Variants in STAG1 observed in about 807,000 individuals in gnomAD.
STAG1 encodes the protein STAG1 cohesin complex component.
In STAG1, 26 loss-of-function variants were observed where a neutral mutation model predicts 170.9. That is an observed-to-expected ratio of 0.15 (90% CI 0.11 to 0.21). The LOEUF is 0.21. Ranked by LOEUF, STAG1 falls within the 10% of genes least tolerant of loss-of-function variation. The pLI, the probability that STAG1 is intolerant of heterozygous loss-of-function variation, is 1.00. For synonymous variants in STAG1, 514 were observed against 497.7 expected (o/e 1.03, Z -0.44); for missense variants, 964 against 1,509.5 (o/e 0.64, Z 5.99).
intron 1 of STAG1, among the ~76,000 whole-genome samples, chr3:136,734,452 C>T (rs548404647): frequency 4.8e-4 from 73 of 152,026 alleles, no homozygotes; most frequent in African/African-American, 1.7e-3. Context: ...TGCCAAAGAG[C>T]CAAAAAACAG....
intron 1 of STAG1, among the ~76,000 whole-genome samples, chr3:136,745,748 CT>C (rs1193032633): frequency 1.3e-5 from 2 of 152,184 alleles, no homozygotes; most frequent in African/African-American, 4.8e-5. Flanking sequence ...GGTATCCAAT[CT>C]TTTGGCTTCC....
intron 1 of STAG1, among the ~76,000 whole-genome samples, chr3:136,731,789 T>C (rs377438153): frequency 6.6e-6 from 1 of 152,202 alleles, no homozygotes; most frequent in South Asian, 2.1e-4. Flanking sequence ...TCATCAAGTA[T>C]GTAGCAAACA....
chr3:136,674,058 A>G (rs1428399566), intron 1 of STAG1, among the ~76,000 whole-genome samples: 1 of 148,218 alleles, frequency 6.7e-6, no homozygotes, highest in African/African-American at 2.5e-5. Flanking sequence ...GGCTGAAATC[A>G]TACCACTGCA....
intron 13 of STAG1, among the ~76,000 whole-genome samples, chr3:136,463,800 TAC>T (rs1277443961): frequency 1.5e-5 from 2 of 137,150 alleles, no homozygotes; most frequent in African/African-American, 5.1e-5. Flanking sequence ...CATATACATA[TAC>T]ATACATATAT....
chr3:136,363,951 G>T (rs1218173731), intron 25 of STAG1, among the ~76,000 whole-genome samples: 2 of 152,054 alleles, frequency 1.3e-5, no homozygotes, highest in African/African-American at 4.8e-5. Context: ...TAGAGATGGG[G>T]TTTTTGCCAT....
chr3:136,713,851 C>T (rs1943451159), intron 1 of STAG1, among the ~76,000 whole-genome samples: 1 of 151,814 alleles, frequency 6.6e-6, no homozygotes, highest in Admixed American at 6.6e-5. Flanking sequence ...GAAGAAACCT[C>T]GTCTCTATTA....
At chr3:136,561,652 T>C (rs1247512046) in intron 5 of STAG1, among the ~76,000 whole-genome samples, 2 of 152,190 alleles carry the variant, frequency 1.3e-5, no homozygotes, top group African/African-American at 2.4e-5. Flanking sequence ...TTGAATAACA[T>C]CATTTTAAAA....
Position 136,525,710 on chromosome 3 carries a change from C to G in STAG1, c.472-4293G>C, listed in dbSNP as rs369683044. Among the ~76,000 whole-genome samples the G allele has an allele frequency of 3.3e-4, 50 of 152,300 alleles. 1 individual carries two copies. The East Asian group carries it at 8.7e-3, about 26-fold the overall frequency. Reference sequence around the variant, plus strand: ...GTTAGGGTGTCAATTTTAGATCTTTCCTGCTTTCTCTTGTGGGCATTTAGT... The same window carrying G: ...GTTAGGGTGTCAATTTTAGATCTTTGCTGCTTTCTCTTGTGGGCATTTAGT... On this transcript the variant is annotated intron_variant, in intron 6 of 33. Coordinates refer to ENST00000383202, the MANE Select transcript of STAG1 (RefSeq NM_005862.3).
chr3:136,470,556 A>G (rs1359561305), intron 12 of STAG1, among the ~76,000 whole-genome samples: 3 of 152,216 alleles, frequency 2.0e-5, no homozygotes, highest in Non-Finnish European at 4.4e-5. Flanking sequence ...AACTAGTTCA[A>G]CCATTGTGGA....
At chr3:136,382,401 CTT>C (rs1033807448) in intron 22 of STAG1, among the ~76,000 whole-genome samples, 39 of 134,530 alleles carry the variant, frequency 2.9e-4, no homozygotes, top group Middle Eastern at 3.8e-3. Flanking sequence ...CCAAGGCTTT[CTT>C]TTTTTTTTTT....
intron 16 of STAG1, among the ~76,000 whole-genome samples, chr3:136,428,689 CCTGTTGGAGAAAA>C (rs2088205301): frequency 6.6e-6 from 1 of 152,180 alleles, no homozygotes; most frequent in African/African-American, 2.4e-5. Flanking sequence ...AAAATAAATA[CCTGTTGGAGAAAA>C]CTGTGTCCAG....
At chr3:136,495,781 A>G (rs1291956733) in intron 9 of STAG1, among the ~76,000 whole-genome samples, 4 of 151,672 alleles carry the variant, frequency 2.6e-5, no homozygotes, top group African/African-American at 7.3e-5. Context: ...ATCCTGGATA[A>G]CACGGTGAAA....
chr3:136,341,518 C>A lies in STAG1; in HGVS notation c.3480G>T (p.Pro1160=). 6.2e-7 allele frequency: 1 copy of A among 1,613,754 alleles called. No homozygotes were observed. Among genetic ancestry groups the A allele is most frequent in the Non-Finnish European group, 8.5e-7 (1 of 1,179,826 alleles). Residue 1160 remains proline (P), a synonymous_variant, in exon 31 of 34, where the codon CCG becomes CCT. Transcript: ENST00000383202. ...CCTTCCGATTTAAGTCTTCTAACTT[C>A]GGCTGGCCTAACCAAGAGATCTGCA... ...PQMQISWLGQ[P]KLEDLNRKDR...
intron 1 of STAG1, among the ~76,000 whole-genome samples, chr3:136,720,919 T>TA (rs1933222526): frequency 6.6e-6 from 1 of 152,196 alleles, no homozygotes; most frequent in Non-Finnish European, 1.5e-5. Flanking sequence ...TGCTAGCCAA[T>TA]ATGCTCTGAG....
At chr3:136,423,101 G>C in intron 16 of STAG1, 57 bp from the exon 17 acceptor site, 2 of 1,165,550 alleles carry the variant, frequency 1.7e-6, no homozygotes, top group Non-Finnish European at 2.4e-6. Context: ...AATCCAAACT[G>C]TTACATATAT....
chr3:136,587,582 C>G (rs1937900437), intron 4 of STAG1, among the ~76,000 whole-genome samples: 1 of 150,476 alleles, frequency 6.6e-6, no homozygotes, highest in Non-Finnish European at 1.5e-5. Flanking sequence ...GCTTTTGACC[C>G]AATACATTCT....
chr3:136,525,293 G>A (rs1934947567), intron 6 of STAG1, among the ~76,000 whole-genome samples: 1 of 152,126 alleles, frequency 6.6e-6, no homozygotes, highest in South Asian at 2.1e-4. Context: ...GGTCTATTCA[G>A]GGATTCAACT....
intron 1 of STAG1, among the ~76,000 whole-genome samples, chr3:136,635,185 A>G (rs933413208): frequency 6.6e-6 from 1 of 152,230 alleles, no homozygotes; most frequent in Non-Finnish European, 1.5e-5. Flanking sequence ...TTACACATCA[A>G]TATCTCTAAT....
intron 1 of STAG1, among the ~76,000 whole-genome samples, chr3:136,747,383 A>C (rs915039719): frequency 2.6e-5 from 4 of 152,084 alleles, no homozygotes; most frequent in African/African-American, 9.7e-5. Flanking sequence ...AGTGTGATCC[A>C]AGGCATTTAA....
Sources: allele counts gnomAD v4.1 joint callset (sites outside exome capture counted in the v4.1 genomes callset), GRCh38; gene constraint gnomAD v4.1.1; transcripts MANE v1.5; gene names NCBI Gene and HGNC (gene_info 2026-07-23, HGNC 2026-07-21).